PRRX1: variants seen among roughly 807,000 people sequenced by gnomAD.
PRRX1 encodes the protein paired mesoderm homeobox protein 1.
PRRX1 carries 8 observed loss-of-function variants against 24.0 expected under a neutral mutation model. That is an observed-to-expected ratio of 0.33 (90% confidence interval 0.20 to 0.60). The LOEUF (loss-of-function observed/expected upper bound fraction) is 0.60, where lower values mean the gene tolerates loss of function less well. Among genes scored for constraint, PRRX1 ranks in the 20% least tolerant of loss-of-function variants. The pLI is 0.82. For missense variants in PRRX1, 281 were observed against 322.4 expected, an observed-to-expected ratio of 0.87 and a Z score of 0.98; for synonymous variants, 160 against 131.7, an observed-to-expected ratio of 1.22 and a Z score of -1.47.
chr1:170,726,115 A>C, intron 2 of PRRX1, 105 bp from the exon 3 acceptor site: 1 of 1,102,104 alleles, frequency 9.1e-7, no homozygotes, highest in Non-Finnish European at 1.3e-6. Context: ...CTTCTTTGGG[A>C]AGGCATTATA....
intron 1 of PRRX1, among the ~76,000 whole-genome samples, chr1:170,684,568 C>T (rs1375031046): frequency 1.3e-5 from 2 of 152,194 alleles, no homozygotes; most frequent in African/African-American, 4.8e-5. Context: ...GCCTGGCCAA[C>T]ATGGTGAAAC....
At chr1:170,689,539 G>A (rs565169714) in intron 1 of PRRX1, among the ~76,000 whole-genome samples, 4 of 152,264 alleles carry the variant, frequency 2.6e-5, no homozygotes, top group African/African-American at 9.6e-5. Context: ...TGAGTTTTGA[G>A]GAAGATTTGT....
intron 2 of PRRX1, among the ~76,000 whole-genome samples, chr1:170,723,829 C>T (rs752002638): frequency 6.6e-6 from 1 of 152,190 alleles, no homozygotes; most frequent in African/African-American, 2.4e-5. Context: ...GCATATTACT[C>T]TACTGAATAG....
chr1:170,692,575 G>C (rs1487143645), intron 1 of PRRX1, among the ~76,000 whole-genome samples: 1 of 148,664 alleles, frequency 6.7e-6, no homozygotes, highest in Non-Finnish European at 1.5e-5. Context: ...TAAGAACCAG[G>C]TCTGTTCTAG....
At chr1:170,666,165 A>T (rs890345582) in intron 1 of PRRX1, among the ~76,000 whole-genome samples, 1 of 152,160 alleles carries the variant, frequency 6.6e-6, no homozygotes, top group Non-Finnish European at 1.5e-5. Context: ...TCACGCCTGT[A>T]ATCCTAGCAC....
chr1:170,670,808 A>G (rs1653118230), intron 1 of PRRX1, among the ~76,000 whole-genome samples: 2 of 152,200 alleles, frequency 1.3e-5, no homozygotes, highest in South Asian at 4.1e-4. Flanking sequence ...AAAACATGTC[A>G]GAATAAATCA....
intron 1 of PRRX1, among the ~76,000 whole-genome samples, chr1:170,684,161 C>G (rs1386413040): frequency 6.6e-6 from 1 of 152,176 alleles, no homozygotes; most frequent in Non-Finnish European, 1.5e-5. Flanking sequence ...CTCCTCTTTT[C>G]CCTATCACTC....
intron 1 of PRRX1, among the ~76,000 whole-genome samples, chr1:170,681,778 A>T (rs971487394): frequency 6.6e-6 from 1 of 152,170 alleles, no homozygotes; most frequent in African/African-American, 2.4e-5. Context: ...ATTAAATCAG[A>T]TATTTATGTA....
At chr1:170,729,943 C>T (rs188028241) in intron 3 of PRRX1, among the ~76,000 whole-genome samples, 160 of 152,344 alleles carry the variant, frequency 1.1e-3, no homozygotes, top group Non-Finnish European at 1.8e-3. Flanking sequence ...TGCTTTGCTT[C>T]GTGCTTCGTG....
chr1:170,714,834 G>T (rs1330619587), intron 1 of PRRX1, among the ~76,000 whole-genome samples: 1 of 152,184 alleles, frequency 6.6e-6, no homozygotes, highest in Non-Finnish European at 1.5e-5. Flanking sequence ...TAGAGCCGAG[G>T]TCAGGGCTAT....
intron 1 of PRRX1, among the ~76,000 whole-genome samples, chr1:170,695,992 A>G (rs1654154247): frequency 6.6e-6 from 1 of 152,190 alleles, no homozygotes; most frequent in African/African-American, 2.4e-5. Context: ...CTACATTTCA[A>G]CATAAAGGCT....
At chr1:170,678,573 G>A (rs1653396481) in intron 1 of PRRX1, among the ~76,000 whole-genome samples, 1 of 152,214 alleles carries the variant, frequency 6.6e-6, no homozygotes, top group African/African-American at 2.4e-5. Flanking sequence ...ACGGAAAAGT[G>A]TTTGTGTGTG....
At chr1:170,721,615 G>T (rs1388899739) in intron 2 of PRRX1, among the ~76,000 whole-genome samples, 2 of 152,196 alleles carry the variant, frequency 1.3e-5, no homozygotes, top group African/African-American at 4.8e-5. Flanking sequence ...GTGGGAGCCT[G>T]TGGGGCCCCT....
At chr1:170,671,113 A>AAAGGGC (rs554931389) in intron 1 of PRRX1, among the ~76,000 whole-genome samples, 5 of 152,212 alleles carry the variant, frequency 3.3e-5, no homozygotes, top group Admixed American at 6.5e-5. Context: ...GAGTTATGAG[A>AAAGGGC]AAGGGCAAGG....
intron 1 of PRRX1, chr1:170,667,739 T>C (rs1652992948): frequency 6.6e-6 from 1 of 152,112 alleles, no homozygotes; most frequent in Admixed American, 6.5e-5. Flanking sequence ...TGGGAAACGA[T>C]TGTCTCCTGC....
intron 1 of PRRX1, among the ~76,000 whole-genome samples, chr1:170,679,244 C>T (rs971681711): frequency 1.4e-4 from 21 of 152,176 alleles, no homozygotes; most frequent in South Asian, 2.1e-4. Flanking sequence ...GCTGAATAAA[C>T]GAATATGTGA....
chr1:170,682,499 C>T (rs1653587452), intron 1 of PRRX1, among the ~76,000 whole-genome samples: 1 of 152,060 alleles, frequency 6.6e-6, no homozygotes, highest in Non-Finnish European at 1.5e-5. Flanking sequence ...TCTGGGCACC[C>T]CATGCCCCCA....
chr1:170,691,714 C>G (rs550702829), intron 1 of PRRX1, among the ~76,000 whole-genome samples: 1 of 151,934 alleles, frequency 6.6e-6, no homozygotes, highest in East Asian at 1.9e-4. Context: ...CTCCCCTCCT[C>G]TCCTTCCCGC....
intron 1 of PRRX1, among the ~76,000 whole-genome samples, chr1:170,692,923 C>A (rs1297762546): frequency 1.3e-5 from 2 of 152,120 alleles, no homozygotes; most frequent in Non-Finnish European, 2.9e-5. Context: ...ATATGCCAGA[C>A]AAATTTTGAC....
Sources: allele counts gnomAD v4.1 joint callset (sites outside exome capture counted in the v4.1 genomes callset), GRCh38; gene constraint gnomAD v4.1.1; transcripts MANE v1.5; gene names NCBI Gene and HGNC (gene_info 2026-07-23, HGNC 2026-07-21).